Variants in PLPP3 observed in about 807,000 individuals in gnomAD.
PLPP3 encodes phospholipid phosphatase 3.
A neutral mutation model predicts 29.6 loss-of-function variants in PLPP3; 6 were observed. The observed-to-expected ratio is 0.20, with a 90% CI of 0.11 to 0.40. The LOEUF is 0.40. Ranked by LOEUF, PLPP3 falls within the 10% of genes least tolerant of loss-of-function variation. The probability of loss-of-function intolerance (pLI) is 1.00; values close to 1 mark genes in which losing one functional copy is unlikely to be tolerated. For synonymous variants in PLPP3, 152 were observed against 159.7 expected, an observed-to-expected ratio of 0.95 and a Z score of 0.36; for missense variants, 308 against 407.7, an observed-to-expected ratio of 0.76 and a Z score of 2.11.
chr1:56,506,463 A>G (rs1457250825), intron 5 of PLPP3, among the ~76,000 whole-genome samples: 1 of 152,136 alleles, frequency 6.6e-6, no homozygotes, highest in African/African-American at 2.4e-5. Context: ...CAAAAGAGCA[A>G]CGGCAAGCGG....
chr1:56,515,876 G>A (rs1645777164), intron 4 of PLPP3, among the ~76,000 whole-genome samples: 1 of 152,144 alleles, frequency 6.6e-6, no homozygotes, highest in African/African-American at 2.4e-5. Context: ...CTCCTTCTCT[G>A]TAAAATAGGT....
intron 2 of PLPP3, among the ~76,000 whole-genome samples, chr1:56,527,133 C>G (rs1035578949): frequency 2.0e-5 from 3 of 152,202 alleles, no homozygotes; most frequent in African/African-American, 7.2e-5. Flanking sequence ...TTCAGGGATT[C>G]TTTTCAGCTC....
chr1:56,524,934 C>G lies in PLPP3; in HGVS notation c.298-380G>C, dbSNP rs1048907893. ...AAGGGTAGCTATGATGTCACAGGGT[C>G]TGAGCAAATCTCGAGATTCTGAGAT... On this transcript the variant is annotated intron_variant, in intron 2 of 5. Transcript: ENST00000371250. The surrounding 1 kb of genome is among the most constrained non-coding windows in gnomAD (Gnocchi z 4.3). 6.6e-6 allele frequency among the ~76,000 whole-genome samples: 1 copy of G among 151,858 alleles called. No homozygotes were observed. Among genetic ancestry groups the G allele is most frequent in the African/African-American group, 2.4e-5 (1 of 41,308 alleles).
chr1:56,550,085 C>T (rs747253856), intron 1 of PLPP3, among the ~76,000 whole-genome samples: 32 of 152,206 alleles, frequency 2.1e-4, no homozygotes, highest in Non-Finnish European at 3.4e-4. Context: ...GTGAAGCCAC[C>T]AGATATTCTA....
chr1:56,574,925 T>C, intron 1 of PLPP3, among the ~76,000 whole-genome samples: 1 of 152,190 alleles, frequency 6.6e-6, no homozygotes, highest in East Asian at 1.9e-4. Context: ...CCTTCCCTTT[T>C]TCGCAATGGT....
intron 1 of PLPP3, among the ~76,000 whole-genome samples, chr1:56,551,021 G>A (rs1043114870): frequency 1.3e-5 from 2 of 152,152 alleles, no homozygotes; most frequent in South Asian, 2.1e-4. Flanking sequence ...AGGCCTTTGC[G>A]AACTCTGGCA....
intron 1 of PLPP3, among the ~76,000 whole-genome samples, chr1:56,571,685 T>A (rs1646199590): frequency 6.6e-6 from 1 of 152,202 alleles, no homozygotes; most frequent in Non-Finnish European, 1.5e-5. Flanking sequence ...TATTACTCTG[T>A]CTACTCCACT....
At chr1:56,519,344 G>A (rs1204028866) in intron 4 of PLPP3, among the ~76,000 whole-genome samples, 2 of 152,068 alleles carry the variant, frequency 1.3e-5, no homozygotes, top group East Asian at 1.9e-4. Context: ...CTGAGAGTCC[G>A]TAATATAACC....
intron 1 of PLPP3, among the ~76,000 whole-genome samples, chr1:56,573,818 G>A (rs527537605): frequency 2.6e-5 from 4 of 152,152 alleles, no homozygotes; most frequent in Non-Finnish European, 4.4e-5. Context: ...TTAGCATCAC[G>A]CTGTGACCAA....
intron 2 of PLPP3, among the ~76,000 whole-genome samples, chr1:56,536,246 G>A (rs1645926054): frequency 6.6e-6 from 1 of 152,138 alleles, no homozygotes; most frequent in African/African-American, 2.4e-5. Context: ...CTTTTTCAGG[G>A]AAAGCCATTC....
At chr1:56,560,924 G>A (rs1356105241) in intron 1 of PLPP3, among the ~76,000 whole-genome samples, 1 of 134,726 alleles carries the variant, frequency 7.4e-6, no homozygotes, top group African/African-American at 2.8e-5. Flanking sequence ...TGCAAGCTCC[G>A]CCTCCAGGGT....
chr1:56,557,038 GAGAGAGAGAGAGAGAGAGAGAA>G (rs1557513752), intron 1 of PLPP3, among the ~76,000 whole-genome samples: 24 of 27,440 alleles, frequency 8.7e-4, no homozygotes, highest in African/African-American at 2.0e-3. Flanking sequence ...GAGAGAGAGA[GAGAGAGAGAGAGAGAGAGAGAA>G]AGAAAGAAAG....
chr1:56,559,556 A>ATT (rs35349205), intron 1 of PLPP3, among the ~76,000 whole-genome samples: 105,874 of 145,268 alleles, frequency 0.73, 41,656 homozygotes, highest in Non-Finnish European at 0.88. Flanking sequence ...CCAGCCTTGA[A>ATT]TTTTTTTTTT....
At chr1:56,528,565 T>C (rs1645867428) in intron 2 of PLPP3, among the ~76,000 whole-genome samples, 1 of 152,020 alleles carries the variant, frequency 6.6e-6, no homozygotes. Flanking sequence ...GTTAATAATA[T>C]CTATGTGGCA....
At chr1:56,500,729 G>T (rs1278633968) in intron 5 of PLPP3, among the ~76,000 whole-genome samples, 1 of 152,196 alleles carries the variant, frequency 6.6e-6, no homozygotes. Context: ...TGGAGGTCAG[G>T]TGCAGTGGCT....
intron 1 of PLPP3, 35 bp downstream of exon 1, chr1:56,578,843 G>A (rs1332416405): frequency 1.3e-6 from 2 of 1,505,636 alleles, no homozygotes; most frequent in East Asian, 5.7e-5. Flanking sequence ...GGGACGAGGG[G>A]CCGAGGGGCC....
chr1:56,567,009 T>C lies in PLPP3; in HGVS notation c.139+11869A>G, dbSNP rs147865210. On this transcript the variant is annotated intron_variant, in intron 1 of 5. Transcript: ENST00000371250. ...GTTTCTATTTCATGCCTTTAAAATA[T>C]TGTAAAGCAGATCCCAGGGATATAT... 1.5e-4 allele frequency among the ~76,000 whole-genome samples: 23 copies of C among 152,294 alleles called. 1 individual carries two copies. In the East Asian group the frequency reaches 4.1e-3, roughly 27 times the overall value.
intron 4 of PLPP3, among the ~76,000 whole-genome samples, chr1:56,520,317 G>A (rs1387407214): frequency 6.6e-6 from 1 of 152,026 alleles, no homozygotes; most frequent in Non-Finnish European, 1.5e-5. Flanking sequence ...AGACAAAACT[G>A]TCAGTGCTAA....
At chr1:56,556,464 A>G (rs1486230648) in intron 1 of PLPP3, among the ~76,000 whole-genome samples, 1 of 152,252 alleles carries the variant, frequency 6.6e-6, no homozygotes, top group East Asian at 1.9e-4. Context: ...GAAAATCAAC[A>G]TGAGTAAAAA....
Sources: gnomAD v4.1 joint callset for allele counts (sites outside exome capture counted in the v4.1 genomes callset) on GRCh38, gnomAD v4.1.1 for gene constraint, Gnocchi (gnomAD v3.1) non-coding constraint, MANE v1.5 for transcripts, NCBI Gene and HGNC (gene_info 2026-07-23, HGNC 2026-07-21) for gene names.